DBF4B: variants seen among roughly 807,000 people sequenced by gnomAD.
DBF4B encodes the protein protein DBF4 homolog B.
DBF4B carries 49 observed loss-of-function variants against 53.4 expected under a neutral mutation model. The ratio of observed to expected loss-of-function variants is 0.92; its 90% CI spans 0.73 to 1.16. DBF4B has a LOEUF of 1.16. Among genes scored for constraint, DBF4B ranks in the 50% most tolerant of loss-of-function variants. The pLI, the probability that DBF4B is intolerant of heterozygous loss-of-function variation, is 0.00. For synonymous variants in DBF4B, 257 were observed against 288.7 expected (o/e 0.89, Z 1.11); for missense variants, 692 against 775.0 (o/e 0.89, Z 1.27).
In DBF4B at chr17:44,748,458, G is replaced by A. The variant is rs760350546; in HGVS notation, c.1182G>A (p.Gln394=). 2 of 1,614,028 alleles carry A rather than the reference G, an allele frequency of 1.2e-6. No homozygotes were observed. The highest frequency in any genetic ancestry group is 1.7e-5 in the Admixed American group (1 of 60,028). ...SPRIRKEDSC[Q]ASVTQGRAAG... ...GGATAAGGAAAGAAGACAGCTGCCA[G>A]GCATCAGGTATCCCAGAGCAGGATG... Residue 394 remains glutamine, a synonymous_variant, in exon 13 of 14, where the codon CAG becomes CAA. Transcript: ENST00000315005.
At chr17:44,714,099 A>T (rs1000398735) in intron 2 of DBF4B, among the ~76,000 whole-genome samples, 3 of 152,174 alleles carry the variant, frequency 2.0e-5, no homozygotes, top group Admixed American at 2.0e-4. Context: ...TTTAGTTTTC[A>T]CTTGTAAGTG....
chr17:44,746,954 G>T, intron 10 of DBF4B, 129 bp from the exon 11 acceptor site: 1 of 768,812 alleles, frequency 1.3e-6, no homozygotes, highest in Admixed American at 2.1e-5. Context: ...CTGCCTGCCG[G>T]TGCCTGCACA....
intron 1 of DBF4B, 25 bp from the exon 2 acceptor site, chr17:44,709,279 G>C: frequency 6.2e-7 from 1 of 1,614,072 alleles, no homozygotes; most frequent in Non-Finnish European, 8.5e-7. Flanking sequence ...GAAGATGGTT[G>C]AGTTGCTGTT....
At chr17:44,748,282 C>T (rs1598865678) in intron 12 of DBF4B, 59 bp from the exon 13 acceptor site, 1 of 1,536,924 alleles carries the variant, frequency 6.5e-7, no homozygotes, top group East Asian at 2.3e-5. Flanking sequence ...GCCCTCAGCC[C>T]TGGCCCAGGC....
intron 3 of DBF4B, among the ~76,000 whole-genome samples, chr17:44,727,040 A>G (rs1974412566): frequency 7.1e-6 from 1 of 140,812 alleles, no homozygotes; most frequent in African/African-American, 2.6e-5. Flanking sequence ...TGGAGGTTGC[A>G]GTGAGCCAAG....
chr17:44,744,816 A>G (rs1190400929), intron 10 of DBF4B, among the ~76,000 whole-genome samples: 2 of 152,120 alleles, frequency 1.3e-5, no homozygotes, highest in Non-Finnish European at 2.9e-5. Flanking sequence ...GTTTTTTCTT[A>G]CTATGAATGA....
chr17:44,747,594 G>C, intron 12 of DBF4B, 79 bp downstream of exon 12: 1 of 1,551,332 alleles, frequency 6.4e-7, no homozygotes, highest in Middle Eastern at 1.7e-4. Context: ...CCCTCAGGTT[G>C]GTGGCTGCTG....
chr17:44,727,864 A>ATTTTTTTTTTT (rs756222247), intron 3 of DBF4B, among the ~76,000 whole-genome samples: 128 of 106,688 alleles, frequency 1.2e-3, no homozygotes, highest in Non-Finnish European at 1.4e-3. Context: ...TGCCCGGGTA[A>ATTTTTTTTTTT]TTTTTTTTTT....
intron 2 of DBF4B, among the ~76,000 whole-genome samples, chr17:44,710,659 G>A (rs1458306028): frequency 3.3e-5 from 5 of 150,936 alleles, no homozygotes; most frequent in African/African-American, 9.7e-5. Context: ...TGGCCTCACC[G>A]GGATCAAGTG....
chr17:44,750,955 C>T lies in DBF4B; in HGVS notation c.1550C>T (p.Thr517Ile), dbSNP rs1342536713. 1 of 1,614,202 alleles carries T rather than the reference C, an allele frequency of 6.2e-7. No individual in the cohort carries two copies. The highest frequency in any genetic ancestry group is 1.3e-5 in the African/African-American group (1 of 75,042). The change falls in exon 14 of 14, where the codon ACA becomes ATA. Residue 517 changes from threonine to isoleucine, a missense_variant. Transcript: ENST00000315005. ...TGGGTTCGTCCCTTTCCTTTTGTGA[C>T]ATGGGGTTGCCTCATTCCCCATGAC... ...RCWVRPFPFVTWGCLIPHDTT... is the reference protein window; with the variant it reads ...RCWVRPFPFVIWGCLIPHDTT...
At chr17:44,731,964 G>A in intron 5 of DBF4B, 1 of 558,168 alleles carries the variant, frequency 1.8e-6, no homozygotes, top group South Asian at 2.1e-5. Flanking sequence ...CAGACCAGTG[G>A]TCCTTCCTCT....
chr17:44,726,747 A>G (rs535784336), intron 3 of DBF4B, among the ~76,000 whole-genome samples: 1 of 152,324 alleles, frequency 6.6e-6, no homozygotes, highest in African/African-American at 2.4e-5. Context: ...TAGCATTTAG[A>G]AATAACACAG....
At chr17:44,722,005 A>G (rs376959746) in intron 2 of DBF4B, among the ~76,000 whole-genome samples, 1 of 152,050 alleles carries the variant, frequency 6.6e-6, no homozygotes, top group Non-Finnish European at 1.5e-5. Context: ...ATGGTGGTGC[A>G]TGCCTGTAAT....
At chr17:44,738,342 A>C (rs776665262) in intron 8 of DBF4B, 37 bp from the exon 9 acceptor site, 2 of 1,606,920 alleles carry the variant, frequency 1.2e-6, no homozygotes, top group Non-Finnish European at 1.7e-6. Context: ...GCACAGGGGC[A>C]GACAGATAGC....
At chr17:44,715,001 C>CA (rs1973206257) in intron 2 of DBF4B, among the ~76,000 whole-genome samples, 1 of 152,082 alleles carries the variant, frequency 6.6e-6, no homozygotes, top group Non-Finnish European at 1.5e-5. Context: ...AATTCCATGA[C>CA]AGTGTGTCTT....
chr17:44,710,022 A>C (rs541800807), intron 2 of DBF4B, among the ~76,000 whole-genome samples: 1 of 151,788 alleles, frequency 6.6e-6, no homozygotes, highest in Admixed American at 6.6e-5. Flanking sequence ...AAATACAAAA[A>C]ATTAGGCGGG....
chr17:44,710,077 G>C (rs1419282261), intron 2 of DBF4B, among the ~76,000 whole-genome samples: 1 of 151,944 alleles, frequency 6.6e-6, no homozygotes, highest in Non-Finnish European at 1.5e-5. Flanking sequence ...GGAGGCTGAG[G>C]CAGGAAAATT....
At chr17:44,750,267 A>T (rs2049247283) in intron 13 of DBF4B, 2 of 1,067,982 alleles carry the variant, frequency 1.9e-6, no homozygotes, top group African/African-American at 3.3e-5. Context: ...CTTTCATTAC[A>T]ATTTGTACCG....
intron 13 of DBF4B, chr17:44,750,154 G>T (rs756667581): frequency 1.5e-4 from 145 of 994,378 alleles, no homozygotes; most frequent in Admixed American, 1.8e-4. Flanking sequence ...CTCCTCCCTC[G>T]CTCCCTCCTC....
Sources: allele counts gnomAD v4.1 joint callset (sites outside exome capture counted in the v4.1 genomes callset), GRCh38; gene constraint gnomAD v4.1.1; transcripts MANE v1.5; gene names NCBI Gene and HGNC (gene_info 2026-07-23, HGNC 2026-07-21).